The following ACBD6 variants were observed in gnomAD, a reference collection of about 807,000 sequenced individuals.
ACBD6 encodes the protein acyl-CoA binding domain containing 6, also known as acyl-CoA-binding domain-containing protein 6.
Under a neutral mutation model 37.2 loss-of-function variants are expected in ACBD6, and 28 were observed. That is an observed-to-expected ratio of 0.75 (90% CI 0.56 to 1.03). The LOEUF (loss-of-function observed/expected upper bound fraction) is 1.03, where lower values mean the gene tolerates loss of function less well. Ranked by LOEUF, ACBD6 falls within the 50% of genes least tolerant of loss-of-function variation. ACBD6 has a pLI of 0.00. For synonymous variants in ACBD6, 113 were observed against 126.8 expected, an observed-to-expected ratio of 0.89 and a Z score of 0.73; for missense variants, 340 against 337.4, an observed-to-expected ratio of 1.01 and a Z score of -0.06.
intron 3 of ACBD6, among the ~76,000 whole-genome samples, chr1:180,449,052 CAAAT>C (rs760732053): frequency 9.9e-5 from 15 of 152,086 alleles, no homozygotes; most frequent in African/African-American, 2.9e-4. Flanking sequence ...TAGGAATACA[CAAAT>C]AAATAGATTA....
intron 3 of ACBD6, among the ~76,000 whole-genome samples, chr1:180,452,148 C>T (rs1004774633): frequency 1.6e-4 from 25 of 152,166 alleles, no homozygotes; most frequent in South Asian, 1.5e-3. Flanking sequence ...CAGGAGAAAG[C>T]GGGTAAGATC....
chr1:180,419,065 C>A (rs1648235949), intron 4 of ACBD6, among the ~76,000 whole-genome samples: 1 of 152,210 alleles, frequency 6.6e-6, no homozygotes, highest in Non-Finnish European at 1.5e-5. Context: ...TCCTCGCTAA[C>A]ACGGTGAAAC....
At chr1:180,327,582 G>C (rs1651303320) in intron 6 of ACBD6, among the ~76,000 whole-genome samples, 1 of 151,870 alleles carries the variant, frequency 6.6e-6, no homozygotes. Context: ...TTGGTGGAGG[G>C]GCCTATTTGG....
intron 3 of ACBD6, among the ~76,000 whole-genome samples, chr1:180,476,092 C>G (rs1234264368): frequency 6.6e-6 from 1 of 152,196 alleles, no homozygotes; most frequent in Non-Finnish European, 1.5e-5. Flanking sequence ...ATACCAAAAT[C>G]TGAATCTGGT....
At chr1:180,322,980 CT>C (rs1240863260) in intron 6 of ACBD6, among the ~76,000 whole-genome samples, 1 of 151,412 alleles carries the variant, frequency 6.6e-6, no homozygotes, top group Non-Finnish European at 1.5e-5. Flanking sequence ...AGTTTTTCTT[CT>C]TTTTTGATGC....
intron 7 of ACBD6, among the ~76,000 whole-genome samples, chr1:180,306,809 C>G (rs1312561052): frequency 1.3e-5 from 2 of 152,172 alleles, no homozygotes; most frequent in African/African-American, 4.8e-5. Flanking sequence ...CCTTCTGGAA[C>G]TATTAAAAAT....
At chr1:180,383,490 T>A (rs931098449) in intron 6 of ACBD6, among the ~76,000 whole-genome samples, 4 of 151,906 alleles carry the variant, frequency 2.6e-5, no homozygotes, top group Non-Finnish European at 5.9e-5. Context: ...AGGTGAAAGA[T>A]CTCTATAAGG....
chr1:180,486,039 C>A (rs1350144381), intron 3 of ACBD6, among the ~76,000 whole-genome samples: 1 of 151,928 alleles, frequency 6.6e-6, no homozygotes, highest in Non-Finnish European at 1.5e-5. Context: ...TTGAGAGAGG[C>A]AATCTACTAT....
intron 3 of ACBD6, among the ~76,000 whole-genome samples, chr1:180,451,373 G>A (rs1327119412): frequency 6.6e-6 from 1 of 152,050 alleles, no homozygotes; most frequent in Non-Finnish European, 1.5e-5. Flanking sequence ...TTCCACTCCT[G>A]GATATATATC....
chr1:180,455,571 A>G (rs1649883275), intron 3 of ACBD6, among the ~76,000 whole-genome samples: 1 of 151,642 alleles, frequency 6.6e-6, no homozygotes, highest in Non-Finnish European at 1.5e-5. Context: ...AAGACTACCT[A>G]AAAGTGAAAA....
chr1:180,286,948 A>G (rs1264728213), downstream of ACBD6: 1 of 152,236 alleles, frequency 6.6e-6, no homozygotes, highest in Admixed American at 6.5e-5. Context: ...CACCTGTTAG[A>G]AAAATTATCT....
intron 1 of ACBD6, among the ~76,000 whole-genome samples, chr1:180,498,161 G>A (rs1244908756): frequency 6.6e-6 from 1 of 152,148 alleles, no homozygotes; most frequent in African/African-American, 2.4e-5. Flanking sequence ...ATTCATGACT[G>A]TCACCACTTA....
intron 5 of ACBD6, among the ~76,000 whole-genome samples, chr1:180,402,503 A>G (rs540011877): frequency 6.6e-6 from 1 of 152,306 alleles, no homozygotes; most frequent in Admixed American, 6.5e-5. Flanking sequence ...CAGGAAATTG[A>G]GAAAGATTTT....
chr1:180,281,397 A>C (rs925410903), intron 8 of ACBD6: 7 of 152,238 alleles, frequency 4.6e-5, no homozygotes, highest in African/African-American at 1.7e-4. Flanking sequence ...CTAAAATCAC[A>C]AAAGGAAAAA....
At chr1:180,416,997 C>T (rs1003381041) in intron 4 of ACBD6, among the ~76,000 whole-genome samples, 2 of 152,044 alleles carry the variant, frequency 1.3e-5, no homozygotes, top group South Asian at 2.1e-4. Context: ...ATATAAAACA[C>T]AGTATTCTAG....
At chr1:180,426,999 G>C (rs1291987603) in intron 4 of ACBD6, among the ~76,000 whole-genome samples, 1 of 152,148 alleles carries the variant, frequency 6.6e-6, no homozygotes, top group African/African-American at 2.4e-5. Flanking sequence ...ATGAGAAATT[G>C]ATGTCAGAGC....
exon 14 of ACBD6, chr1:180,270,214 A>G (rs564677972): frequency 6.6e-6 from 1 of 152,392 alleles, no homozygotes; most frequent in East Asian, 1.9e-4. Flanking sequence ...TAAAGTCCTT[A>G]GTCAACACCA....
At chr1:180,294,154 C>G (rs916930590) in intron 7 of ACBD6, among the ~76,000 whole-genome samples, 1 of 152,084 alleles carries the variant, frequency 6.6e-6, no homozygotes, top group Non-Finnish European at 1.5e-5. Context: ...CCCAGCCTCC[C>G]AAAGTGCTGG....
chr1:180,438,127 T>C (rs1202638320), intron 3 of ACBD6, among the ~76,000 whole-genome samples: 3 of 152,164 alleles, frequency 2.0e-5, no homozygotes, highest in Non-Finnish European at 2.9e-5. Context: ...GAACTGCACA[T>C]GTGAGGGGTC....
Sources: allele counts gnomAD v4.1 joint callset (sites outside exome capture counted in the v4.1 genomes callset), GRCh38; gene constraint gnomAD v4.1.1; transcripts MANE v1.5; gene names NCBI Gene and HGNC (gene_info 2026-07-23, HGNC 2026-07-21).